The following PPM1L variants were observed in gnomAD, a reference collection of about 807,000 sequenced individuals.
PPM1L encodes the protein protein phosphatase, Mg2+/Mn2+ dependent 1L.
Under a neutral mutation model 31.4 loss-of-function variants are expected in PPM1L, and 13 were observed. That is an observed-to-expected ratio of 0.41 (90% CI 0.27 to 0.66). PPM1L has a LOEUF of 0.66. Among genes scored for constraint, PPM1L ranks in the 30% least tolerant of loss-of-function variants. The pLI, the probability that PPM1L is intolerant of heterozygous loss-of-function variation, is 0.29. For missense variants in PPM1L, 326 were observed against 453.7 expected (o/e 0.72, Z 2.56); for synonymous variants, 184 against 175.4 (o/e 1.05, Z -0.39).
chr3:160,973,793 T>TTTTTTTTTTTTC (rs1716445660), intron 2 of PPM1L, among the ~76,000 whole-genome samples: 1 of 133,194 alleles, frequency 7.5e-6, no homozygotes, highest in Non-Finnish European at 1.6e-5. Context: ...TTTTTTTTTT[T>TTTTTTTTTTTTC]AACCAAGACT....
At chr3:160,910,519 C>T (rs1713935254) in intron 1 of PPM1L, among the ~76,000 whole-genome samples, 1 of 152,044 alleles carries the variant, frequency 6.6e-6, no homozygotes, top group African/African-American at 2.4e-5. Flanking sequence ...GCCATGTTGA[C>T]CAGCCTCAAG....
intron 1 of PPM1L, among the ~76,000 whole-genome samples, chr3:160,783,484 C>T (rs188257276): frequency 4.6e-5 from 7 of 151,560 alleles, no homozygotes; most frequent in Admixed American, 2.6e-4. Context: ...CCTGTAATCC[C>T]AGTTACTCAG....
chr3:160,782,131 C>G (rs890765971), intron 1 of PPM1L, among the ~76,000 whole-genome samples: 3 of 151,856 alleles, frequency 2.0e-5, no homozygotes, highest in African/African-American at 4.8e-5. Context: ...AGAAGAAACC[C>G]TGTGTCTGTT....
intron 1 of PPM1L, among the ~76,000 whole-genome samples, chr3:160,816,901 G>A (rs1460395095): frequency 6.6e-6 from 1 of 152,002 alleles, no homozygotes; most frequent in East Asian, 1.9e-4. Flanking sequence ...TGTTATGTCT[G>A]AGTCTTTTTT....
chr3:160,906,686 C>T (rs546774044), intron 1 of PPM1L, among the ~76,000 whole-genome samples: 1 of 152,160 alleles, frequency 6.6e-6, no homozygotes, highest in South Asian at 2.1e-4. Context: ...GATGAAGTTA[C>T]AGTCAGGATG....
chr3:161,035,384 G>C (rs181078701), intron 2 of PPM1L, among the ~76,000 whole-genome samples: 1 of 152,100 alleles, frequency 6.6e-6, no homozygotes, highest in Non-Finnish European at 1.5e-5. Flanking sequence ...AGCGCCCCTC[G>C]GCCAAAGAGG....
At chr3:160,809,015 C>T (rs1024390733) in intron 1 of PPM1L, among the ~76,000 whole-genome samples, 8 of 152,134 alleles carry the variant, frequency 5.3e-5, no homozygotes, top group Admixed American at 1.3e-4. Flanking sequence ...CAGAAGGGTG[C>T]GTGCACTGCC....
intron 1 of PPM1L, among the ~76,000 whole-genome samples, chr3:160,832,374 G>A (rs1370419186): frequency 6.8e-6 from 1 of 146,526 alleles, no homozygotes; most frequent in Non-Finnish European, 1.5e-5. Flanking sequence ...AGGTGGAGGT[G>A]ATAGCCTGAG....
At chr3:161,061,454 G>A (rs559393344) in intron 2 of PPM1L, among the ~76,000 whole-genome samples, 17 of 152,082 alleles carry the variant, frequency 1.1e-4, no homozygotes, top group African/African-American at 3.4e-4. Context: ...TGACAAAGGC[G>A]GGTCATCGAT....
intron 2 of PPM1L, among the ~76,000 whole-genome samples, chr3:161,001,608 A>G (rs1717483312): frequency 6.6e-6 from 1 of 152,148 alleles, no homozygotes; most frequent in Non-Finnish European, 1.5e-5. Flanking sequence ...GAAACTCAAT[A>G]CTATATGTTT....
chr3:160,996,458 A>G (rs1717328558), intron 2 of PPM1L, among the ~76,000 whole-genome samples: 1 of 152,250 alleles, frequency 6.6e-6, no homozygotes, highest in Admixed American at 6.5e-5. Context: ...CTACTCGGCC[A>G]TATAAAATAA....
At chr3:160,780,891 G>A (rs891752907) in intron 1 of PPM1L, among the ~76,000 whole-genome samples, 8 of 152,150 alleles carry the variant, frequency 5.3e-5, no homozygotes, top group African/African-American at 1.7e-4. Context: ...AAGATAAAAT[G>A]TATGTAAAGG....
At chr3:160,977,175 T>C (rs932493742) in intron 2 of PPM1L, among the ~76,000 whole-genome samples, 5 of 152,236 alleles carry the variant, frequency 3.3e-5, no homozygotes, top group Non-Finnish European at 4.4e-5. Context: ...TTGTGTTTCC[T>C]TAGTTGATAA....
chr3:160,986,975 A>C (rs1314122999), intron 2 of PPM1L, among the ~76,000 whole-genome samples: 1 of 152,192 alleles, frequency 6.6e-6, no homozygotes, highest in African/African-American at 2.4e-5. Flanking sequence ...ATTGGTTGTC[A>C]TTGTCCTTGT....
chr3:160,986,367 C>T (rs937774230), intron 2 of PPM1L, among the ~76,000 whole-genome samples: 23 of 152,270 alleles, frequency 1.5e-4, no homozygotes, highest in African/African-American at 5.3e-4. Flanking sequence ...TCAGATTCCT[C>T]AGCCAGGGCA....
At chr3:160,801,124 G>A (rs1164678586) in intron 1 of PPM1L, among the ~76,000 whole-genome samples, 2 of 121,796 alleles carry the variant, frequency 1.6e-5, no homozygotes, top group African/African-American at 7.3e-5. Flanking sequence ...TAAATGTTTA[G>A]TGATACACAC....
In PPM1L at chr3:160,974,469, C is replaced by G. The variant is rs1249557960; in HGVS notation, c.574+12559C>G. Among the ~76,000 whole-genome samples, 7 of 150,502 alleles carry G rather than the reference C, an allele frequency of 4.7e-5. No individual in the cohort carries two copies. In the East Asian group the frequency reaches 7.9e-4, roughly 17 times the overall value. Reference sequence around the variant, plus strand: ...CACACTGACTTCCACAATGGTTGAACTAGTTTACAGTCCCACCAACAGTGT... The same window carrying G: ...CACACTGACTTCCACAATGGTTGAAGTAGTTTACAGTCCCACCAACAGTGT... On this transcript the variant is annotated intron_variant, in intron 2 of 3. Transcript: ENST00000498165.
chr3:160,786,781 T>C (rs1401619978), intron 1 of PPM1L, among the ~76,000 whole-genome samples: 1 of 152,086 alleles, frequency 6.6e-6, no homozygotes, highest in Admixed American at 6.6e-5. Flanking sequence ...CTGGTGTCTA[T>C]CGTTATCTTA....
chr3:160,846,846 T>G (rs1714092809), intron 1 of PPM1L, among the ~76,000 whole-genome samples: 1 of 152,178 alleles, frequency 6.6e-6, no homozygotes, highest in East Asian at 1.9e-4. Flanking sequence ...CATTGTTATT[T>G]GTTAATTGCT....
Sources: allele counts gnomAD v4.1 joint callset (sites outside exome capture counted in the v4.1 genomes callset), GRCh38; gene constraint gnomAD v4.1.1; transcripts MANE v1.5; gene names NCBI Gene and HGNC (gene_info 2026-07-23, HGNC 2026-07-21).